RGS10: variants seen among roughly 807,000 people sequenced by gnomAD.
RGS10 encodes regulator of G-protein signalling 10.
RGS10 carries 11 observed loss-of-function variants against 23.5 expected under a neutral mutation model. The ratio of observed to expected loss-of-function variants is 0.47; its 90% CI spans 0.29 to 0.77. The LOEUF is 0.77. Ranked by LOEUF, RGS10 falls within the 30% of genes least tolerant of loss-of-function variation. The pLI is 0.08. For synonymous variants in RGS10, 77 were observed against 83.2 expected, an observed-to-expected ratio of 0.92 and a Z score of 0.41; for missense variants, 180 against 226.3, an observed-to-expected ratio of 0.80 and a Z score of 1.31.
intron 4 of RGS10, among the ~76,000 whole-genome samples, chr10:119,507,307 G>A (rs377008522): frequency 1.4e-4 from 21 of 152,244 alleles, no homozygotes; most frequent in Admixed American, 3.3e-4. Flanking sequence ...GTCATGCAGG[G>A]GCACTCAGGC....
intron 3 of RGS10, among the ~76,000 whole-genome samples, chr10:119,523,200 G>A (rs968426654): frequency 6.6e-6 from 1 of 152,024 alleles, no homozygotes; most frequent in Non-Finnish European, 1.5e-5. Flanking sequence ...CTGCATCTTC[G>A]AATGGGAACA....
intron 4 of RGS10, among the ~76,000 whole-genome samples, chr10:119,502,344 G>A (rs116556635): frequency 5.0e-4 from 76 of 152,170 alleles, no homozygotes; most frequent in African/African-American, 1.3e-3. Flanking sequence ...TGCAATGAAC[G>A]CTCAAATGTG....
chr10:119,538,250 G>T lies in RGS10; in HGVS notation c.49+4340C>A, dbSNP rs1844407312. 6.6e-6 allele frequency among the ~76,000 whole-genome samples: 1 copy of T among 152,202 alleles called. No homozygotes were observed. Among genetic ancestry groups the T allele is most frequent in the South Asian group, 2.1e-4 (1 of 4,832 alleles). ...TATATTTTAGCAAAGTCGCTAAATG[G>T]TTGTTGTGTTTAGGTGGCCGTGGAC... On this transcript the variant is annotated intron_variant, in intron 1 of 4. Coordinates refer to ENST00000369103, the MANE Select transcript of RGS10 (RefSeq NM_001005339.2). The surrounding 1 kb of genome is among the most constrained non-coding windows in gnomAD (Gnocchi z 4.5).
In RGS10 at chr10:119,517,424, G is replaced by A. The variant is rs924052916; in HGVS notation, c.256-1772C>T. ...AGGGACAGGTCTGGGGGCCATCCTC[G>A]AGACCCAAGGGGGTGGCACTTAGGA... On this transcript the variant is annotated intron_variant, in intron 3 of 4. Coordinates refer to ENST00000369103, the MANE Select transcript of RGS10 (RefSeq NM_001005339.2). The surrounding 1 kb of genome is among the most constrained non-coding windows in gnomAD (Gnocchi z 5.0). 6.6e-6 allele frequency among the ~76,000 whole-genome samples: 1 copy of A among 152,110 alleles called. No homozygotes were observed. The highest frequency in any genetic ancestry group is 1.5e-5 in the Non-Finnish European group (1 of 68,020).
chr10:119,535,910 A>C (rs1844383026), intron 1 of RGS10, among the ~76,000 whole-genome samples: 1 of 152,244 alleles, frequency 6.6e-6, no homozygotes, highest in South Asian at 2.1e-4. Context: ...CACACCCCAC[A>C]AAACTTATTT....
rs371992945 is a variant in RGS10 at position 119,500,063 on chromosome 10, G to A, written c.*50C>T. 128 of 1,594,832 alleles carry A rather than the reference G, an allele frequency of 8.0e-5. No individual in the cohort carries two copies. The highest frequency in any genetic ancestry group is 3.3e-4 in the Middle Eastern group (2 of 5,990). On this transcript the variant is annotated 3_prime_UTR_variant, in exon 5 of 5. Coordinates refer to ENST00000369103, the MANE Select transcript of RGS10 (RefSeq NM_001005339.2). ...AATGATAAACCCGGCACGGTCCTGA[G>A]AGGAAATTCCTTTGCTTCTTAAAGC...
In RGS10 at chr10:119,500,191, C is replaced by T. The variant is rs74621003; in HGVS notation, c.468G>A (p.Lys156=). 453 of 1,613,994 alleles carry T rather than the reference C, an allele frequency of 2.8e-4. No individual in the cohort carries two copies. The highest frequency in any genetic ancestry group is 3.6e-4 in the Non-Finnish European group (427 of 1,179,978). ...FLKSDLFLKH[K]RTEEEEEDLP... ...AATCTTCTTCCTCTTCCTCGGTTCG[C>T]TTGTGTTTTAAAAACAAGTCAGACT... is the stretch of plus-strand genomic sequence containing the variant. Residue 156 remains lysine (K), a synonymous_variant, in exon 5 of 5, where the codon AAG becomes AAA. Coordinates refer to ENST00000369103, the MANE Select transcript of RGS10 (RefSeq NM_001005339.2).
intron 1 of RGS10, among the ~76,000 whole-genome samples, chr10:119,528,299 G>A (rs1844298991): frequency 6.6e-6 from 1 of 152,024 alleles, no homozygotes; most frequent in African/African-American, 2.4e-5. Flanking sequence ...CCAAAGTGCT[G>A]GGATTACATG....
chr10:119,529,723 CT>C (rs993953038), intron 1 of RGS10, among the ~76,000 whole-genome samples: 6 of 152,156 alleles, frequency 3.9e-5, no homozygotes, highest in African/African-American at 1.4e-4. Context: ...TCCCCATTGA[CT>C]TTTTTTCTTT....
chr10:119,537,974 A>G (rs1844404843), intron 1 of RGS10, among the ~76,000 whole-genome samples: 1 of 152,180 alleles, frequency 6.6e-6, no homozygotes, highest in Admixed American at 6.5e-5. Context: ...CAACCTCTAC[A>G]AGATTCTGTG....
intron 1 of RGS10, chr10:119,536,633 T>C: frequency 2.7e-6 from 2 of 742,638 alleles, no homozygotes; most frequent in Non-Finnish European, 4.3e-6. Context: ...AAACAACAGA[T>C]GGCCACTGGT....
At chr10:119,535,608 A>C (rs1844380368) in intron 1 of RGS10, among the ~76,000 whole-genome samples, 1 of 152,258 alleles carries the variant, frequency 6.6e-6, no homozygotes, top group Non-Finnish European at 1.5e-5. Flanking sequence ...GTTAATTTGC[A>C]GGAAGGTCTG....
chr10:119,530,561 A>G (rs967392350), intron 1 of RGS10, among the ~76,000 whole-genome samples: 1 of 152,192 alleles, frequency 6.6e-6, no homozygotes, highest in East Asian at 1.9e-4. Context: ...ACGGTGGTTC[A>G]CACCTATAAC....
chr10:119,539,444 C>T (rs773285399), intron 1 of RGS10, among the ~76,000 whole-genome samples: 1 of 152,118 alleles, frequency 6.6e-6, no homozygotes, highest in East Asian at 1.9e-4. Flanking sequence ...GGTAGGGAGT[C>T]GGGTGGCTTC....
intron 3 of RGS10, among the ~76,000 whole-genome samples, chr10:119,519,219 G>T (rs557048440): frequency 6.6e-6 from 1 of 152,114 alleles, no homozygotes; most frequent in Admixed American, 6.5e-5. Flanking sequence ...TTCTCTTCCC[G>T]CTTCCCTCAC....
rs573501416 is a variant in RGS10, at chr10:119,529,270, T to C, written c.50-1846A>G. Reference sequence around the variant, plus strand: ...GAGTTCAAGACCAGCTTGGCCAACATGGTGAAACCCCGTCTGTACTAAAAA... The same window carrying C: ...GAGTTCAAGACCAGCTTGGCCAACACGGTGAAACCCCGTCTGTACTAAAAA... On this transcript the variant is annotated intron_variant, in intron 1 of 4. Coordinates refer to ENST00000369103, the MANE Select transcript of RGS10 (RefSeq NM_001005339.2). Among the ~76,000 whole-genome samples, 68 of 152,092 alleles carry C rather than the reference T, an allele frequency of 4.5e-4. No individual in the cohort carries two copies. The South Asian group carries it at 0.013, about 29-fold the overall frequency.
Position 119,500,174 on chromosome 10 carries a change from T to C in RGS10, c.485A>G (p.Glu162Gly). 1 of 1,614,134 alleles carries C rather than the reference T, an allele frequency of 6.2e-7. No individual in the cohort carries two copies. Among genetic ancestry groups the C allele is most frequent in the Non-Finnish European group, 8.5e-7 (1 of 1,180,024 alleles). Residue 162 changes from glutamate to glycine, a missense_variant, in exon 5 of 5, where the codon GAA (glutamate) becomes GGA (glycine). Glu to Gly is a moderately conservative substitution (Grantham distance 98). Coordinates refer to ENST00000369103, the MANE Select transcript of RGS10 (RefSeq NM_001005339.2). ...FLKHKRTEEEEEDLPDAQTAA... is the reference protein window; with the variant it reads ...FLKHKRTEEEGEDLPDAQTAA... ...AGTTTGAGCATCAGGCAAATCTTCT[T>C]CCTCTTCCTCGGTTCGCTTGTGTTT...
intron 4 of RGS10, among the ~76,000 whole-genome samples, chr10:119,512,097 C>G (rs911725503): frequency 1.3e-5 from 2 of 152,046 alleles, no homozygotes; most frequent in African/African-American, 4.8e-5. Context: ...CAGAGCTGCC[C>G]TACTAGAAGC....
chr10:119,525,923 C>A, intron 3 of RGS10, 109 bp downstream of exon 3: 2 of 555,794 alleles, frequency 3.6e-6, no homozygotes, highest in Non-Finnish European at 6.4e-6. Context: ...AAGCTTAAAT[C>A]TTCCCCCAAA....
Sources: allele counts gnomAD v4.1 joint callset (sites outside exome capture counted in the v4.1 genomes callset), GRCh38; gene constraint gnomAD v4.1.1; non-coding constraint Gnocchi (gnomAD v3.1); transcripts MANE v1.5; gene names NCBI Gene and HGNC (gene_info 2026-07-23, HGNC 2026-07-21).